ENTHD1: variants seen among roughly 807,000 people sequenced by gnomAD.
ENTHD1 encodes the protein ENTH domain-containing protein 1.
A neutral mutation model predicts 39.1 loss-of-function variants in ENTHD1; 23 were observed. The observed-to-expected ratio is 0.59, with a 90% CI of 0.42 to 0.83. The LOEUF (loss-of-function observed/expected upper bound fraction) is 0.83, where lower values mean the gene tolerates loss of function less well. Among genes scored for constraint, ENTHD1 ranks in the 40% least tolerant of loss-of-function variants. The pLI, the probability that ENTHD1 is intolerant of heterozygous loss-of-function variation, is 0.00. For missense variants in ENTHD1, 624 were observed against 705.4 expected (o/e 0.88, Z 1.31); for synonymous variants, 230 against 258.2 (o/e 0.89, Z 1.05).
intron 3 of ENTHD1, among the ~76,000 whole-genome samples, chr22:39,839,749 T>C (rs746676764): frequency 6.6e-6 from 1 of 152,194 alleles, no homozygotes; most frequent in Non-Finnish European, 1.5e-5. Flanking sequence ...CTAAATTATC[T>C]TGGAAATCAT....
intron 2 of ENTHD1, among the ~76,000 whole-genome samples, chr22:39,863,747 GTA>G: frequency 6.6e-6 from 1 of 152,154 alleles, no homozygotes; most frequent in Admixed American, 6.5e-5. Flanking sequence ...ATGAATTAAA[GTA>G]TTAATGTTTT....
chr22:39,888,562 G>T (rs917053425), intron 1 of ENTHD1, among the ~76,000 whole-genome samples: 3 of 151,930 alleles, frequency 2.0e-5, no homozygotes, highest in Non-Finnish European at 2.9e-5. Flanking sequence ...TGAGTAGCTG[G>T]GATTACAGAT....
chr22:39,836,056 CT>C, intron 3 of ENTHD1, 98 bp from the exon 4 acceptor site: 32 of 780,548 alleles, frequency 4.1e-5, no homozygotes, highest in South Asian at 1.0e-4. Context: ...CTGAAGATAC[CT>C]TTTTTTCCTG....
intron 2 of ENTHD1, among the ~76,000 whole-genome samples, chr22:39,886,245 A>T (rs2066378542): frequency 6.6e-6 from 1 of 152,210 alleles, no homozygotes; most frequent in Admixed American, 6.5e-5. Flanking sequence ...AGTGGTAGCC[A>T]GGGATTCAAG....
intron 2 of ENTHD1, chr22:39,875,901 G>A (rs1601662459): frequency 3.1e-6 from 5 of 1,613,944 alleles, no homozygotes; most frequent in East Asian, 2.2e-5. Context: ...GATCTAGATC[G>A]AGTAAAGAAA....
chr22:39,863,730 A>C (rs2066162459), intron 2 of ENTHD1, among the ~76,000 whole-genome samples: 1 of 152,194 alleles, frequency 6.6e-6, no homozygotes, highest in Non-Finnish European at 1.5e-5. Flanking sequence ...TTTGGGCTCT[A>C]GGTGTGATGA....
chr22:39,882,382 T>C (rs1329085220), intron 2 of ENTHD1, among the ~76,000 whole-genome samples: 2 of 152,158 alleles, frequency 1.3e-5, no homozygotes, highest in Non-Finnish European at 1.5e-5. Context: ...GTTCAAAACA[T>C]GGACAGCGAT....
chr22:39,808,335 T>C (rs909521289), intron 5 of ENTHD1, among the ~76,000 whole-genome samples: 1 of 152,192 alleles, frequency 6.6e-6, no homozygotes, highest in Non-Finnish European at 1.5e-5. Context: ...ATTAGGTCTG[T>C]TAAGCCACTA....
At position 39,835,859 on chromosome 22, in the gene ENTHD1, T is replaced by C; in HGVS notation, c.692A>G (p.His231Arg). 6.2e-7 allele frequency: 1 copy of C among 1,607,952 alleles called. No individual in the cohort carries two copies. ...LSQETLPLKIHGWKSTEDLMT... is the reference protein window; with the variant it reads ...LSQETLPLKIRGWKSTEDLMT... ...ACTTACCTCTGTTGATTTCCAACCA[T>C]GAATCTTGAGTGGAAGTGTTTCCTG... The change falls in exon 4 of 7, where the codon CAT becomes CGT. Residue 231 changes from histidine to arginine, a missense_variant. Physicochemically the swap from His to Arg is conservative, Grantham distance 29. Transcript: ENST00000325157.
In ENTHD1 at chr22:39,887,754, A is replaced by G; in HGVS notation, c.-6T>C. On this transcript the variant is annotated 5_prime_UTR_variant, in exon 2 of 7. Coordinates refer to ENST00000325157, the MANE Select transcript of ENTHD1 (RefSeq NM_152512.4). ...ACTTGTCTCCTGAACGCCATAAGTA[A>G]TACAAGTTCCAAGGTGAGATGGAGG... 1 of 1,539,432 alleles carries G rather than the reference A, an allele frequency of 6.5e-7. No homozygotes were observed. The highest frequency in any genetic ancestry group is 8.7e-7 in the Non-Finnish European group (1 of 1,144,786).
At chr22:39,765,942 C>CTT (rs2065272941) in intron 5 of ENTHD1, among the ~76,000 whole-genome samples, 1 of 133,698 alleles carries the variant, frequency 7.5e-6, no homozygotes, top group South Asian at 2.5e-4. Context: ...TACTTTCCAA[C>CTT]TTTCATCTTT....
chr22:39,856,025 A>G (rs1405657571), intron 3 of ENTHD1, among the ~76,000 whole-genome samples: 1 of 152,200 alleles, frequency 6.6e-6, no homozygotes, highest in East Asian at 1.9e-4. Flanking sequence ...CTGTAATCCC[A>G]GCACTTTGGG....
chr22:39,807,888 CGTGTGTGT>C (rs375190088), intron 5 of ENTHD1, among the ~76,000 whole-genome samples: 2 of 145,914 alleles, frequency 1.4e-5, no homozygotes, highest in African/African-American at 2.5e-5. Context: ...TATATACGTA[CGTGTGTGT>C]GTGTGTGTGT....
chr22:39,886,198 T>A (rs1308519024), intron 2 of ENTHD1, among the ~76,000 whole-genome samples: 1 of 151,914 alleles, frequency 6.6e-6, no homozygotes, highest in South Asian at 2.1e-4. Context: ...CTATACGACA[T>A]CTGAAAAGAC....
At chr22:39,865,511 T>C (rs575868278) in intron 2 of ENTHD1, among the ~76,000 whole-genome samples, 3 of 152,318 alleles carry the variant, frequency 2.0e-5, no homozygotes, top group African/African-American at 7.2e-5. Context: ...TTCTTACTAC[T>C]AAACAATATG....
At chr22:39,746,749 G>C (rs894750116) in intron 6 of ENTHD1, among the ~76,000 whole-genome samples, 28 of 152,290 alleles carry the variant, frequency 1.8e-4, no homozygotes, top group African/African-American at 6.3e-4. Context: ...AGGCCAGCAG[G>C]GGGAGGGGGC....
chr22:39,801,550 C>A (rs376724284), intron 5 of ENTHD1, among the ~76,000 whole-genome samples: 1 of 152,130 alleles, frequency 6.6e-6, no homozygotes, highest in Non-Finnish European at 1.5e-5. Flanking sequence ...CGTAATCAAC[C>A]CATCAGAAAC....
chr22:39,864,503 ATATT>A (rs1272852843), intron 2 of ENTHD1, among the ~76,000 whole-genome samples: 7 of 152,200 alleles, frequency 4.6e-5, no homozygotes, highest in Non-Finnish European at 1.0e-4. Context: ...CTAATATTAT[ATATT>A]TATTGGTTTA....
At chr22:39,845,644 T>C (rs1332984114) in intron 3 of ENTHD1, among the ~76,000 whole-genome samples, 1 of 152,226 alleles carries the variant, frequency 6.6e-6, no homozygotes, top group African/African-American at 2.4e-5. Flanking sequence ...AAATTATATC[T>C]TTCATAAAAT....
Sources: allele counts gnomAD v4.1 joint callset (sites outside exome capture counted in the v4.1 genomes callset), GRCh38; gene constraint gnomAD v4.1.1; transcripts MANE v1.5; gene names NCBI Gene and HGNC (gene_info 2026-07-23, HGNC 2026-07-21).